The following PCCA variants were observed in gnomAD, a reference collection of about 807,000 sequenced individuals.
The protein encoded by PCCA is propionyl-CoA carboxylase alpha chain, mitochondrial.
PCCA carries 74 observed loss-of-function variants against 101.3 expected under a neutral mutation model. The observed-to-expected ratio is 0.73, with a 90% CI of 0.61 to 0.89. The LOEUF is 0.89. PCCA is among the 40% of genes least tolerant of loss of function. The pLI is 0.00. For missense variants in PCCA, 891 were observed against 907.0 expected, an observed-to-expected ratio of 0.98 and a Z score of 0.23; for synonymous variants, 294 against 313.6, an observed-to-expected ratio of 0.94 and a Z score of 0.66.
chr13:100,402,478 G>A (rs1661369815), intron 19 of PCCA, among the ~76,000 whole-genome samples: 3 of 152,030 alleles, frequency 2.0e-5, no homozygotes, highest in South Asian at 4.2e-4. Context: ...TAATACAATA[G>A]ATACTTATCA....
intron 1 of PCCA, among the ~76,000 whole-genome samples, chr13:100,090,989 A>G (rs1044309128): frequency 8.9e-5 from 2 of 22,500 alleles, no homozygotes; most frequent in Non-Finnish European, 1.6e-4. Context: ...TTTTCTAACA[A>G]ACAGAGATGA....
chr13:100,307,138 A>C, intron 14 of PCCA, 54 bp from the exon 15 acceptor site: 2 of 1,331,366 alleles, frequency 1.5e-6, no homozygotes, highest in Non-Finnish European at 2.1e-6. Context: ...GGTGGTTACA[A>C]AAAAATATCT....
At chr13:100,472,767 G>C (rs911015109) in intron 21 of PCCA, among the ~76,000 whole-genome samples, 7 of 152,152 alleles carry the variant, frequency 4.6e-5, no homozygotes, top group African/African-American at 1.7e-4. Context: ...TGGGCAGCTG[G>C]CTTACTTCCA....
chr13:100,525,888 G>C (rs1366942942), intron 22 of PCCA, among the ~76,000 whole-genome samples: 3 of 152,344 alleles, frequency 2.0e-5, no homozygotes, highest in Admixed American at 1.3e-4. Context: ...ACAGTGCCCA[G>C]AGCGGGAGAG....
chr13:100,225,279 T>C (rs982913635), intron 7 of PCCA, among the ~76,000 whole-genome samples: 3 of 152,156 alleles, frequency 2.0e-5, no homozygotes, highest in African/African-American at 4.8e-5. Context: ...GGAAGGATCA[T>C]TGATGATTAT....
chr13:100,100,608 A>G (rs979340334), intron 1 of PCCA, among the ~76,000 whole-genome samples: 6 of 152,186 alleles, frequency 3.9e-5, no homozygotes, highest in Admixed American at 2.0e-4. Flanking sequence ...CTTTACACAA[A>G]TGGTCTGAGT....
intron 16 of PCCA, among the ~76,000 whole-genome samples, chr13:100,325,855 G>A (rs553160360): frequency 1.3e-5 from 2 of 152,184 alleles, no homozygotes; most frequent in African/African-American, 4.8e-5. Flanking sequence ...AAGTTCTTTT[G>A]ATATGGACAG....
At chr13:100,331,446 A>G (rs984673222) in intron 17 of PCCA, among the ~76,000 whole-genome samples, 1 of 152,116 alleles carries the variant, frequency 6.6e-6, no homozygotes, top group African/African-American at 2.4e-5. Flanking sequence ...ATGTAAAATG[A>G]CTCACATTCA....
At chr13:100,374,700 AAGG>A (rs1413617487) in intron 19 of PCCA, among the ~76,000 whole-genome samples, 4 of 152,178 alleles carry the variant, frequency 2.6e-5, no homozygotes, top group Admixed American at 2.0e-4. Flanking sequence ...GCGATGGAAA[AAGG>A]AGCACTATAC....
intron 19 of PCCA, among the ~76,000 whole-genome samples, chr13:100,409,950 G>A (rs2152867817): frequency 6.6e-6 from 1 of 151,910 alleles, no homozygotes; most frequent in East Asian, 1.9e-4. Context: ...AGTAGAGACG[G>A]GGTTTCACCA....
chr13:100,422,135 CTT>C (rs1232975466), intron 19 of PCCA, among the ~76,000 whole-genome samples: 1 of 68,780 alleles, frequency 1.5e-5, no homozygotes, highest in Non-Finnish European at 3.0e-5. Flanking sequence ...TTCTTTCTTT[CTT>C]TTTTTTTTTT....
chr13:100,211,710 C>T (rs1057393898), intron 7 of PCCA, among the ~76,000 whole-genome samples: 8 of 151,988 alleles, frequency 5.3e-5, no homozygotes, highest in East Asian at 1.9e-4. Context: ...TTTTTCATGG[C>T]GTCAATTGCC....
intron 6 of PCCA, among the ~76,000 whole-genome samples, chr13:100,158,066 A>C (rs189087772): frequency 6.6e-6 from 1 of 152,206 alleles, no homozygotes; most frequent in Non-Finnish European, 1.5e-5. Flanking sequence ...AGAAATCTAC[A>C]TGGTAGAGTC....
rs67566567 is a variant in PCCA, at chr13:100,179,093, T to A, written c.468+21753T>A. On this transcript the variant is annotated intron_variant, in intron 6 of 23. Transcript: ENST00000376285. ...CTCCTTCTCAAAAAAAAAAAAAAAA[T>A]ATATATATATATATATTTGTGCTTG... 1.1e-3 allele frequency among the ~76,000 whole-genome samples: 119 copies of A among 107,748 alleles called. 1 individual carries two copies. The highest frequency in any genetic ancestry group is 2.1e-3 in the South Asian group (7 of 3,330). 70.7% of individuals were successfully genotyped at this position (107,748 alleles called of 152,430 possible).
At chr13:100,487,736 A>G (rs1313676778) in intron 21 of PCCA, among the ~76,000 whole-genome samples, 1 of 151,852 alleles carries the variant, frequency 6.6e-6, no homozygotes, top group Non-Finnish European at 1.5e-5. Context: ...TAATTAATTT[A>G]TTTTTTGAGA....
chr13:100,322,637 C>T lies in PCCA; in HGVS notation c.1430-7924C>T, dbSNP rs538031075. On this transcript the variant is annotated intron_variant, in intron 16 of 23. Coordinates refer to ENST00000376285, the MANE Select transcript of PCCA (RefSeq NM_000282.4). ...CCAGATTTGGGTACAGTGATGCAGCCGTAGCTCACTACAACTTCGAACTCC... is the reference window on the plus strand; with the variant it reads ...CCAGATTTGGGTACAGTGATGCAGCTGTAGCTCACTACAACTTCGAACTCC... Among the ~76,000 whole-genome samples, 4 of 151,688 alleles carry T rather than the reference C, an allele frequency of 2.6e-5. No individual in the cohort carries two copies. The East Asian group carries it at 5.8e-4, about 22-fold the overall frequency.
intron 19 of PCCA, among the ~76,000 whole-genome samples, chr13:100,406,640 G>T (rs929276842): frequency 6.6e-6 from 1 of 152,180 alleles, no homozygotes; most frequent in African/African-American, 2.4e-5. Context: ...GAAGGTGGAG[G>T]TTGCAGTGAG....
intron 4 of PCCA, among the ~76,000 whole-genome samples, chr13:100,138,954 AAAAG>A (rs1368292301): frequency 2.2e-5 from 3 of 133,924 alleles, no homozygotes; most frequent in African/African-American, 8.4e-5. Flanking sequence ...AAAAAAAAAA[AAAAG>A]AAAGAAAGAA....
chr13:100,309,467 TA>T (rs2152696567), intron 15 of PCCA, among the ~76,000 whole-genome samples: 1 of 152,172 alleles, frequency 6.6e-6, no homozygotes, highest in African/African-American at 2.4e-5. Context: ...CACAGAAAAA[TA>T]GGGAAAAAAT....
Sources: allele counts gnomAD v4.1 joint callset (sites outside exome capture counted in the v4.1 genomes callset), GRCh38; gene constraint gnomAD v4.1.1; transcripts MANE v1.5; gene names NCBI Gene and HGNC (gene_info 2026-07-23, HGNC 2026-07-21).